Variants in BTBD9 observed in about 807,000 individuals in gnomAD.
BTBD9 encodes BTB/POZ domain-containing protein 9.
BTBD9 carries 49 observed loss-of-function variants against 64.3 expected under a neutral mutation model. The observed-to-expected ratio is 0.76, with a 90% CI of 0.61 to 0.97. The LOEUF (loss-of-function observed/expected upper bound fraction) is 0.97, where lower values mean the gene tolerates loss of function less well. Ranked by LOEUF, BTBD9 falls within the 50% of genes least tolerant of loss-of-function variation. The pLI, the probability that BTBD9 is intolerant of heterozygous loss-of-function variation, is 0.00. For missense variants in BTBD9, 598 were observed against 762.1 expected (o/e 0.78, Z 2.53); for synonymous variants, 260 against 274.7 (o/e 0.95, Z 0.53).
At chr6:38,528,294 C>T (rs1203502429) in intron 6 of BTBD9, among the ~76,000 whole-genome samples, 1 of 152,192 alleles carries the variant, frequency 6.6e-6, no homozygotes, top group Non-Finnish European at 1.5e-5. Flanking sequence ...GCAAGCCCTG[C>T]CACCACATGC....
intron 6 of BTBD9, among the ~76,000 whole-genome samples, chr6:38,531,893 A>G (rs1212709170): frequency 6.6e-6 from 1 of 152,204 alleles, no homozygotes; most frequent in Non-Finnish European, 1.5e-5. Flanking sequence ...GCTGAATAAA[A>G]GGCTCCACTG....
chr6:38,190,298 C>T (rs953360183), intron 10 of BTBD9, among the ~76,000 whole-genome samples: 18 of 151,248 alleles, frequency 1.2e-4, no homozygotes, highest in Non-Finnish European at 5.9e-5. Flanking sequence ...AAACCTGTCT[C>T]TACAAAAAAA....
At position 38,374,295 on chromosome 6, in the gene BTBD9, ATGTATATATATG is replaced by A. The variant is rs1211165677; in HGVS notation, c.1155-29214_1155-29203del. On this transcript the variant is annotated intron_variant, in intron 6 of 10. Coordinates refer to ENST00000481247, the MANE Select transcript of BTBD9 (RefSeq NM_001099272.2). ...AAAAAAAAAAAAAGTATATATATATATGTATATATATGTATATATATATATATATATGTATAT... is the reference window on the plus strand; with the variant it reads ...AAAAAAAAAAAAAGTATATATATATATATATATATATATATATATGTATAT... Among the ~76,000 whole-genome samples the A allele has an allele frequency of 5.4e-3, 433 of 80,658 alleles. 62 individuals carry two copies. The highest frequency in any genetic ancestry group is 9.5e-3 in the African/African-American group (131 of 13,794). 52.9% of individuals were successfully genotyped at this position (80,658 alleles called of 152,430 possible).
At chr6:38,476,163 T>C (rs1770869909) in intron 6 of BTBD9, among the ~76,000 whole-genome samples, 1 of 152,186 alleles carries the variant, frequency 6.6e-6, no homozygotes, top group African/African-American at 2.4e-5. Context: ...TTTTTAAGCT[T>C]AACGGTTAGA....
At chr6:38,624,801 T>A (rs1360133142) in intron 1 of BTBD9, among the ~76,000 whole-genome samples, 1 of 152,150 alleles carries the variant, frequency 6.6e-6, no homozygotes, top group Non-Finnish European at 1.5e-5. Flanking sequence ...TCATGTCCTA[T>A]GAGGGGAGAT....
At chr6:38,360,540 G>A (rs2127597635) in intron 6 of BTBD9, among the ~76,000 whole-genome samples, 1 of 152,252 alleles carries the variant, frequency 6.6e-6, no homozygotes, top group Non-Finnish European at 1.5e-5. Context: ...ATAGCACATA[G>A]GAATGGTACA....
intron 7 of BTBD9, among the ~76,000 whole-genome samples, chr6:38,337,640 A>T (rs997807582): frequency 1.3e-5 from 2 of 152,092 alleles, no homozygotes; most frequent in African/African-American, 4.8e-5. Flanking sequence ...TCTCCACTCC[A>T]CTTATTTCCA....
chr6:38,349,852 C>T (rs1332402076), intron 6 of BTBD9, among the ~76,000 whole-genome samples: 1 of 152,110 alleles, frequency 6.6e-6, no homozygotes, highest in Non-Finnish European at 1.5e-5. Context: ...CCATAGAAAG[C>T]AAGCGACATT....
At chr6:38,554,845 C>T (rs1480870051) in intron 6 of BTBD9, among the ~76,000 whole-genome samples, 3 of 152,186 alleles carry the variant, frequency 2.0e-5, no homozygotes, top group Non-Finnish European at 2.9e-5. Flanking sequence ...TCCACTCTTG[C>T]TGTTGCAGCG....
Position 38,330,300 on chromosome 6 carries a change from AT to A in BTBD9, c.1264+14683del, listed in dbSNP as rs562501683. Among the ~76,000 whole-genome samples the A allele has an allele frequency of 1.9e-3, 291 of 152,254 alleles. 2 individuals carry two copies. Among genetic ancestry groups the A allele is most frequent in the Non-Finnish European group, 3.2e-3 (220 of 68,004 alleles). ...ACTCCTGACCTCAGGTGATCCACCC[AT>A]ATTGGCCTCCCAAAGTGCTGTGATT... On this transcript the variant is annotated intron_variant, in intron 7 of 10. Transcript: ENST00000481247.
rs1356597532 is a variant in BTBD9 at position 38,477,494 on chromosome 6, T to C, written c.1154+100106A>G. 6.6e-5 allele frequency among the ~76,000 whole-genome samples: 10 copies of C among 152,358 alleles called. No individual in the cohort carries two copies. The East Asian group carries it at 1.9e-3, about 29-fold the overall frequency. ...TCTTTTCCTTTATACCTAAAAAAGC[T>C]TGTTTAGCAAACAGAGTTATCTTTA... is the stretch of plus-strand genomic sequence containing the variant. On this transcript the variant is annotated intron_variant, in intron 6 of 10. Coordinates refer to ENST00000481247, the MANE Select transcript of BTBD9 (RefSeq NM_001099272.2).
intron 8 of BTBD9, among the ~76,000 whole-genome samples, chr6:38,281,714 G>A (rs1761519183): frequency 6.6e-6 from 1 of 152,020 alleles, no homozygotes; most frequent in Non-Finnish European, 1.5e-5. Context: ...AAATGTTTTT[G>A]TGTCATTAAC....
intron 6 of BTBD9, among the ~76,000 whole-genome samples, chr6:38,520,525 G>A (rs543708498): frequency 1.4e-3 from 207 of 152,256 alleles, no homozygotes; most frequent in African/African-American, 4.6e-3. Context: ...TCTGGGTTTA[G>A]GATGATTTTG....
At chr6:38,288,131 C>T (rs1346574859) in intron 8 of BTBD9, 141 bp downstream of exon 8, 1 of 881,648 alleles carries the variant, frequency 1.1e-6, no homozygotes, top group East Asian at 2.6e-5. Flanking sequence ...CTTCCTTCGG[C>T]TCCCACTCCT....
intron 4 of BTBD9, among the ~76,000 whole-genome samples, chr6:38,586,146 C>T (rs897413086): frequency 6.6e-6 from 1 of 151,978 alleles, no homozygotes; most frequent in South Asian, 2.1e-4. Flanking sequence ...CTGAGATATA[C>T]AAAATGAAAT....
intron 8 of BTBD9, among the ~76,000 whole-genome samples, chr6:38,287,114 AC>A (rs1424384061): frequency 7.7e-6 from 1 of 129,046 alleles, no homozygotes; most frequent in Non-Finnish European, 1.6e-5. Flanking sequence ...AAATATACAC[AC>A]ACACACACAC....
At chr6:38,345,201 T>C in intron 6 of BTBD9, 108 bp from the exon 7 acceptor site, 1 of 615,164 alleles carries the variant, frequency 1.6e-6, no homozygotes, top group Non-Finnish European at 2.8e-6. Context: ...CACCAGGATA[T>C]AGACCAAAGG....
chr6:38,557,504 C>T (rs868460895), intron 6 of BTBD9, among the ~76,000 whole-genome samples: 31 of 152,238 alleles, frequency 2.0e-4, no homozygotes, highest in African/African-American at 7.2e-4. Flanking sequence ...GACAATAATA[C>T]TTATTTCCTG....
chr6:38,383,206 A>T (rs969454770), intron 6 of BTBD9, among the ~76,000 whole-genome samples: 1 of 152,238 alleles, frequency 6.6e-6, no homozygotes, highest in Non-Finnish European at 1.5e-5. Flanking sequence ...AGGTATATTC[A>T]ACATTAGAAA....
Sources: allele counts gnomAD v4.1 joint callset (sites outside exome capture counted in the v4.1 genomes callset), GRCh38; gene constraint gnomAD v4.1.1; transcripts MANE v1.5; gene names NCBI Gene and HGNC (gene_info 2026-07-23, HGNC 2026-07-21).